Variants in DIP2B observed in about 807,000 individuals in gnomAD.
DIP2B encodes the protein DIP2 acetate--CoA ligase B (putative), also known as disco-interacting protein 2 homolog B.
Under a neutral mutation model 198.0 loss-of-function variants are expected in DIP2B, and 76 were observed. The ratio of observed to expected loss-of-function variants is 0.38; its 90% confidence interval spans 0.32 to 0.46. The LOEUF (loss-of-function observed/expected upper bound fraction) is 0.46. Among genes scored for constraint, DIP2B ranks in the 20% least tolerant of loss-of-function variants. The pLI, the probability that DIP2B is intolerant of heterozygous loss-of-function variation, is 0.99. For missense variants in DIP2B, 1,559 were observed against 1,978.4 expected, an observed-to-expected ratio of 0.79 and a Z score of 4.02; for synonymous variants, 701 against 739.1, an observed-to-expected ratio of 0.95 and a Z score of 0.84.
chr12:50,600,178 C>T (rs1020510248), intron 1 of DIP2B, among the ~76,000 whole-genome samples: 1 of 152,152 alleles, frequency 6.6e-6, no homozygotes, highest in African/African-American at 2.4e-5. Flanking sequence ...TGAATTATAT[C>T]TCTGCCCCCT....
intron 1 of DIP2B, among the ~76,000 whole-genome samples, chr12:50,526,739 C>T (rs369120770): frequency 0.27 from 1,615 of 5,936 alleles, 26 homozygotes; most frequent in African/African-American, 0.28. Context: ...CGGGTTCAAG[C>T]GATTTCCTGC....
intron 20 of DIP2B, among the ~76,000 whole-genome samples, chr12:50,704,736 G>A (rs1939483192): frequency 1.3e-5 from 2 of 152,254 alleles, no homozygotes; most frequent in Admixed American, 1.3e-4. Flanking sequence ...AGGCCGAGGT[G>A]GGCGGATCAC....
intron 1 of DIP2B, among the ~76,000 whole-genome samples, chr12:50,505,799 A>G (rs951085194): frequency 2.0e-5 from 3 of 152,148 alleles, no homozygotes; most frequent in Non-Finnish European, 4.4e-5. Flanking sequence ...GAAGATAAGA[A>G]GCAATGGCAT....
chr12:50,624,683 C>G (rs574390751), intron 1 of DIP2B, among the ~76,000 whole-genome samples: 51 of 152,278 alleles, frequency 3.3e-4, no homozygotes, highest in African/African-American at 1.2e-3. Flanking sequence ...AATTCATTCA[C>G]TTCATTCATC....
intron 2 of DIP2B, among the ~76,000 whole-genome samples, chr12:50,636,053 A>G (rs1445834313): frequency 6.6e-6 from 1 of 152,238 alleles, no homozygotes; most frequent in Non-Finnish European, 1.5e-5. Flanking sequence ...AGCAGGAGAG[A>G]TGACAGTTAC....
At chr12:50,672,131 C>A (rs1018935816) in intron 5 of DIP2B, among the ~76,000 whole-genome samples, 1 of 151,836 alleles carries the variant, frequency 6.6e-6, no homozygotes, top group African/African-American at 2.4e-5. Flanking sequence ...TTTTTCTTGA[C>A]AATCAGTGCA....
intron 23 of DIP2B, among the ~76,000 whole-genome samples, chr12:50,714,980 G>A (rs958614910): frequency 2.0e-5 from 3 of 152,158 alleles, no homozygotes; most frequent in Non-Finnish European, 4.4e-5. Flanking sequence ...AAGGCAGCCC[G>A]GAGGCAAACA....
intron 36 of DIP2B, among the ~76,000 whole-genome samples, chr12:50,739,907 C>G (rs749790638): frequency 8.5e-5 from 13 of 152,232 alleles, no homozygotes; most frequent in African/African-American, 1.2e-4. Flanking sequence ...AGCATTACAT[C>G]TTATAGCTCT....
chr12:50,641,545 A>G (rs1412151828), intron 3 of DIP2B, among the ~76,000 whole-genome samples: 1 of 152,096 alleles, frequency 6.6e-6, no homozygotes, highest in Non-Finnish European at 1.5e-5. Flanking sequence ...TGTTTGCCAG[A>G]GTTGTTGCAT....
chr12:50,591,914 G>A (rs1958822806), intron 1 of DIP2B, among the ~76,000 whole-genome samples: 1 of 145,368 alleles, frequency 6.9e-6, no homozygotes, highest in Non-Finnish European at 1.5e-5. Context: ...GTCTTGCACT[G>A]TTGTCCAGGC....
chr12:50,731,706 T>C (rs374309965), intron 31 of DIP2B, among the ~76,000 whole-genome samples, 169 bp downstream of exon 31: 1 of 152,234 alleles, frequency 6.6e-6, no homozygotes, highest in Admixed American at 6.5e-5. Flanking sequence ...TCTTCCACCT[T>C]CCTAATTTAG....
At chr12:50,521,942 C>A (rs918659588) in intron 1 of DIP2B, among the ~76,000 whole-genome samples, 2 of 151,586 alleles carry the variant, frequency 1.3e-5, no homozygotes, top group Non-Finnish European at 2.9e-5. Context: ...CACGCCCAGC[C>A]CCCAAACATT....
chr12:50,546,767 G>A (rs926379612), intron 1 of DIP2B, among the ~76,000 whole-genome samples: 2 of 151,994 alleles, frequency 1.3e-5, no homozygotes, highest in African/African-American at 4.8e-5. Context: ...TTCTTAAATA[G>A]GAATATTTTT....
intron 1 of DIP2B, among the ~76,000 whole-genome samples, chr12:50,538,274 T>G (rs2139371419): frequency 6.6e-6 from 1 of 151,952 alleles, no homozygotes; most frequent in East Asian, 1.9e-4. Context: ...GGTGTGGGGA[T>G]AAAGGGAAAA....
intron 1 of DIP2B, among the ~76,000 whole-genome samples, chr12:50,555,561 A>G (rs757242833): frequency 3.5e-4 from 53 of 152,124 alleles, no homozygotes; most frequent in Non-Finnish European, 4.7e-4. Flanking sequence ...TCATTCTGCT[A>G]TCTCTGACTG....
chr12:50,731,221 G>A (rs970332206), intron 30 of DIP2B, 148 bp from the exon 31 acceptor site: 45 of 971,188 alleles, frequency 4.6e-5, no homozygotes, highest in Non-Finnish European at 6.2e-5. Context: ...AGTTGCATAG[G>A]AACAAGACTG....
chr12:50,513,538 A>G (rs975397310), intron 1 of DIP2B, among the ~76,000 whole-genome samples: 1 of 152,146 alleles, frequency 6.6e-6, no homozygotes, highest in South Asian at 2.1e-4. Flanking sequence ...CATATCCCTC[A>G]CTTGTCCTCA....
chr12:50,601,636 CAG>C, intron 1 of DIP2B, among the ~76,000 whole-genome samples: 1 of 152,146 alleles, frequency 6.6e-6, no homozygotes, highest in Non-Finnish European at 1.5e-5. Context: ...CCGCGCCCGG[CAG>C]CTTTTTATAT....
chr12:50,715,366 G>C (rs1002954994), intron 23 of DIP2B, among the ~76,000 whole-genome samples: 1 of 152,230 alleles, frequency 6.6e-6, no homozygotes, highest in South Asian at 2.1e-4. Flanking sequence ...CTTAGGTTGG[G>C]TTCAGAGCTG....
Sources: allele counts gnomAD v4.1 joint callset (sites outside exome capture counted in the v4.1 genomes callset), GRCh38; gene constraint gnomAD v4.1.1; transcripts MANE v1.5; gene names NCBI Gene and HGNC (gene_info 2026-07-23, HGNC 2026-07-21).